Variants in RNGTT observed in about 807,000 individuals in gnomAD.
RNGTT encodes mRNA-capping enzyme.
Under a neutral mutation model 79.3 loss-of-function variants are expected in RNGTT, and 33 were observed. The ratio of observed to expected loss-of-function variants is 0.42; its 90% CI spans 0.32 to 0.56. The LOEUF is 0.56. Among genes scored for constraint, RNGTT ranks in the 20% least tolerant of loss-of-function variants. The probability of loss-of-function intolerance (pLI) is 0.17; values close to 1 mark genes in which losing one functional copy is unlikely to be tolerated. For missense variants in RNGTT, 497 were observed against 739.1 expected, an observed-to-expected ratio of 0.67 and a Z score of 3.80; for synonymous variants, 222 against 235.9, an observed-to-expected ratio of 0.94 and a Z score of 0.54.
chr6:88,957,927 CA>C, intron 1 of RNGTT, among the ~76,000 whole-genome samples: 1 of 151,868 alleles, frequency 6.6e-6, no homozygotes. Context: ...CCAAGGTAAG[CA>C]AACAAAAAAG....
intron 11 of RNGTT, among the ~76,000 whole-genome samples, chr6:88,824,893 C>T (rs1458702802): frequency 1.3e-5 from 2 of 151,926 alleles, no homozygotes; most frequent in East Asian, 1.9e-4. Context: ...TAGGCGTCCA[C>T]CACCACGCCC....
At chr6:88,817,972 G>C (rs1005626430) in intron 11 of RNGTT, among the ~76,000 whole-genome samples, 1 of 151,512 alleles carries the variant, frequency 6.6e-6, no homozygotes, top group African/African-American at 2.4e-5. Flanking sequence ...TGTTAGCCAA[G>C]ATGGTCTCGA....
intron 11 of RNGTT, among the ~76,000 whole-genome samples, chr6:88,827,702 G>A (rs1165689816): frequency 6.6e-6 from 1 of 152,142 alleles, no homozygotes; most frequent in African/African-American, 2.4e-5. Flanking sequence ...GGAGCTTGGT[G>A]GGGGGAGGGG....
chr6:88,691,042 A>G (rs148358532), intron 13 of RNGTT, among the ~76,000 whole-genome samples: 57 of 152,318 alleles, frequency 3.7e-4, no homozygotes, highest in Non-Finnish European at 6.2e-4. Flanking sequence ...CATGTCAAAG[A>G]GCAAAGTGTG....
rs1392530112 is a variant in RNGTT, at chr6:88,779,979, G to A, written c.1339-10105C>T. Among the ~76,000 whole-genome samples the A allele has an allele frequency of 2.6e-5, 4 of 152,150 alleles. No homozygotes were observed. The East Asian group carries it at 7.7e-4, about 29-fold the overall frequency. On this transcript the variant is annotated intron_variant, in intron 12 of 15. Coordinates refer to ENST00000369485, the MANE Select transcript of RNGTT (RefSeq NM_003800.5). ...ACTGCACGCCAGCCTGGGCAATAGG[G>A]TGAGACTCTGTCTCAAATAAATAAA...
intron 14 of RNGTT, among the ~76,000 whole-genome samples, chr6:88,674,977 A>G (rs979382518): frequency 6.6e-6 from 1 of 152,052 alleles, no homozygotes; most frequent in East Asian, 1.9e-4. Flanking sequence ...GCGAGCCTGT[A>G]ATCTCAGCTA....
chr6:88,916,373 T>C (rs1334872703), intron 4 of RNGTT, among the ~76,000 whole-genome samples: 1 of 152,130 alleles, frequency 6.6e-6, no homozygotes, highest in Non-Finnish European at 1.5e-5. Context: ...CTAAAGAGGC[T>C]GAGAGGAGAG....
At chr6:88,840,893 G>C (rs548146391) in intron 11 of RNGTT, among the ~76,000 whole-genome samples, 1 of 152,240 alleles carries the variant, frequency 6.6e-6, no homozygotes, top group Admixed American at 6.5e-5. Context: ...GTACTGATTT[G>C]ACTAATGAAA....
intron 1 of RNGTT, among the ~76,000 whole-genome samples, chr6:88,960,568 T>A (rs1785581599): frequency 6.6e-6 from 1 of 151,506 alleles, no homozygotes; most frequent in Non-Finnish European, 1.5e-5. Context: ...ACCCCATCTC[T>A]ACTAAAAATA....
chr6:88,669,268 C>T lies in RNGTT; in HGVS notation c.1506+9085G>A, dbSNP rs138138985. 2.6e-5 allele frequency among the ~76,000 whole-genome samples: 4 copies of T among 152,332 alleles called. No individual in the cohort carries two copies. In the East Asian group the frequency reaches 5.8e-4, roughly 22 times the overall value. The stretch of plus-strand genomic sequence containing the variant: ...AGGGAAGACAAAAGATTTGTTCCTG[C>T]AGTTAGCAGAAAATATAGCCCATTC... On this transcript the variant is annotated intron_variant, in intron 14 of 15. Transcript: ENST00000369485.
intron 12 of RNGTT, among the ~76,000 whole-genome samples, chr6:88,793,619 C>A (rs1175146372): frequency 1.3e-5 from 2 of 152,114 alleles, no homozygotes; most frequent in Non-Finnish European, 1.5e-5. Flanking sequence ...AATCCCAGCA[C>A]TTTGGGAGGC....
At chr6:88,794,890 A>C (rs1317137189) in intron 12 of RNGTT, among the ~76,000 whole-genome samples, 1 of 152,224 alleles carries the variant, frequency 6.6e-6, no homozygotes, top group African/African-American at 2.4e-5. Context: ...AGAGCAATGA[A>C]GACACAGAGT....
intron 14 of RNGTT, among the ~76,000 whole-genome samples, chr6:88,675,585 G>T (rs1192535296): frequency 6.6e-6 from 1 of 151,906 alleles, no homozygotes; most frequent in Non-Finnish European, 1.5e-5. Flanking sequence ...TCAGAAAGGA[G>T]AACTGTCCTT....
intron 4 of RNGTT, among the ~76,000 whole-genome samples, chr6:88,917,917 G>T (rs951101004): frequency 8.6e-5 from 13 of 152,032 alleles, no homozygotes; most frequent in African/African-American, 2.9e-4. Context: ...ACCATGATGG[G>T]CTTCAAAGAA....
rs532959646 is a variant in RNGTT, at chr6:88,851,890, G to A, written c.1032+1739C>T. Among the ~76,000 whole-genome samples the A allele has an allele frequency of 1.0e-3, 152 of 151,854 alleles. 1 individual carries two copies. The highest frequency in any genetic ancestry group is 3.5e-3 in the African/African-American group (146 of 41,454). On this transcript the variant is annotated intron_variant, in intron 9 of 15. Transcript: ENST00000369485. Reference sequence around the variant, plus strand: ...AAACTTCACAAGAATCTATTATGCCGCTCTCAGTTATCCAAGTTTGAGGTG... The same window carrying A: ...AAACTTCACAAGAATCTATTATGCCACTCTCAGTTATCCAAGTTTGAGGTG...
At chr6:88,918,968 A>G (rs929554964) in intron 4 of RNGTT, among the ~76,000 whole-genome samples, 5 of 152,222 alleles carry the variant, frequency 3.3e-5, no homozygotes, top group Non-Finnish European at 7.4e-5. Flanking sequence ...AAGATATGTA[A>G]TCTAGGAAAG....
chr6:88,801,709 T>G, intron 11 of RNGTT, 77 bp from the exon 12 acceptor site: 1 of 931,134 alleles, frequency 1.1e-6, no homozygotes, highest in Non-Finnish European at 1.7e-6. Flanking sequence ...TGCTAAGCTT[T>G]ATAAAAACTT....
chr6:88,743,227 T>C (rs1038100159), intron 13 of RNGTT, among the ~76,000 whole-genome samples: 48 of 152,154 alleles, frequency 3.2e-4, no homozygotes, highest in Non-Finnish European at 1.0e-4. Context: ...TGAATACTAA[T>C]TCCTATACTT....
At chr6:88,630,206 T>C (rs1278642789) in intron 14 of RNGTT, among the ~76,000 whole-genome samples, 2 of 152,154 alleles carry the variant, frequency 1.3e-5, no homozygotes, top group Admixed American at 6.5e-5. Flanking sequence ...TGGTGAAAAG[T>C]AACAAGCCAA....
Sources: gnomAD v4.1 joint callset for allele counts (sites outside exome capture counted in the v4.1 genomes callset) on GRCh38, gnomAD v4.1.1 for gene constraint, MANE v1.5 for transcripts, NCBI Gene and HGNC (gene_info 2026-07-23, HGNC 2026-07-21) for gene names.